LRRFIP1: variants seen among roughly 807,000 people sequenced by gnomAD.
LRRFIP1 encodes LRR binding FLII interacting protein 1, also known as leucine-rich repeat flightless-interacting protein 1.
Under a neutral mutation model 104.4 loss-of-function variants are expected in LRRFIP1, and 62 were observed. That is an observed-to-expected ratio of 0.59 (90% CI 0.48 to 0.73). The LOEUF is 0.73. Among genes scored for constraint, LRRFIP1 ranks in the 30% least tolerant of loss-of-function variants. The pLI is 0.00. For synonymous variants in LRRFIP1, 300 were observed against 299.0 expected, an observed-to-expected ratio of 1.00 and a Z score of -0.03; for missense variants, 796 against 824.5, an observed-to-expected ratio of 0.97 and a Z score of 0.42.
intron 1 of LRRFIP1, among the ~76,000 whole-genome samples, chr2:237,663,442 G>T (rs1464686767): frequency 6.6e-6 from 1 of 151,882 alleles, no homozygotes; most frequent in Non-Finnish European, 1.5e-5. Flanking sequence ...CCCCCATCCC[G>T]CCATGTGAGG....
intron 1 of LRRFIP1, among the ~76,000 whole-genome samples, chr2:237,671,715 C>A (rs1346725825): frequency 6.6e-6 from 1 of 151,890 alleles, no homozygotes; most frequent in Admixed American, 6.6e-5. Flanking sequence ...AGGGCCACCA[C>A]TCATAGACAG....
chr2:237,692,223 C>G (rs1046751902), intron 1 of LRRFIP1: 4 of 1,095,864 alleles, frequency 3.7e-6, no homozygotes, highest in East Asian at 1.1e-4. Context: ...ACCCCGAGCC[C>G]GACTCAGCCC....
chr2:237,646,858 G>T (rs896478159), intron 1 of LRRFIP1, among the ~76,000 whole-genome samples: 1 of 151,986 alleles, frequency 6.6e-6, no homozygotes, highest in Non-Finnish European at 1.5e-5. Flanking sequence ...CCAGTCTGTG[G>T]TGTTTTGTTA....
intron 23 of LRRFIP1, among the ~76,000 whole-genome samples, 178 bp downstream of exon 23, chr2:237,774,640 G>A (rs1352878510): frequency 6.6e-6 from 1 of 152,262 alleles, no homozygotes; most frequent in Non-Finnish European, 1.5e-5. Flanking sequence ...CAGCCAGTTA[G>A]GGCTTAGGGC....
chr2:237,652,828 A>G (rs1286631685), intron 1 of LRRFIP1, among the ~76,000 whole-genome samples: 2 of 152,206 alleles, frequency 1.3e-5, no homozygotes, highest in African/African-American at 2.4e-5. Flanking sequence ...AGCCTGGGCT[A>G]CAGAGTGAGA....
At chr2:237,707,506 C>T (rs950209771) in intron 1 of LRRFIP1, among the ~76,000 whole-genome samples, 8 of 150,170 alleles carry the variant, frequency 5.3e-5, no homozygotes, top group African/African-American at 1.5e-4. Context: ...TTATGTAAGA[C>T]GTCTGAAAAC....
At chr2:237,754,879 G>A (rs1046480828) in intron 15 of LRRFIP1, among the ~76,000 whole-genome samples, 4 of 152,184 alleles carry the variant, frequency 2.6e-5, no homozygotes, top group East Asian at 1.9e-4. Flanking sequence ...GAAAACTCCC[G>A]AGTCTCACTC....
In LRRFIP1 at chr2:237,691,687, T is replaced by TC. The variant is rs545770899; in HGVS notation, c.97-16849dup. 1.2e-4 allele frequency among the ~76,000 whole-genome samples: 18 copies of TC among 149,242 alleles called. No individual in the cohort carries two copies. The highest frequency in any genetic ancestry group is 4.3e-4 in the South Asian group (2 of 4,674). On this transcript the variant is annotated intron_variant, in intron 1 of 23. Transcript: ENST00000308482. This position sits in a 1 kb window ranked among gnomAD's most constrained non-coding sequence, Gnocchi z 5.4. ...ATACCCTCGCCCAGCCCCGGGCAGG[T>TC]CCCCCCCCGGAGGGGACCCCCTCTT...
intron 1 of LRRFIP1, among the ~76,000 whole-genome samples, chr2:237,668,362 G>T (rs775812548): frequency 7.9e-5 from 12 of 152,144 alleles, no homozygotes; most frequent in Admixed American, 6.5e-5. Context: ...CTGTCCCTGT[G>T]CCTGTCATCA....
At chr2:237,667,445 C>G (rs1575301270) in intron 1 of LRRFIP1, among the ~76,000 whole-genome samples, 1 of 152,174 alleles carries the variant, frequency 6.6e-6, no homozygotes, top group Non-Finnish European at 1.5e-5. Flanking sequence ...TTTTCTTTAT[C>G]CAGTCTATCA....
At position 237,763,990 on chromosome 2, in the gene LRRFIP1, C is replaced by T. The variant is rs201808692; in HGVS notation, c.1459+3785C>T. 268 of 1,614,088 alleles carry T rather than the reference C, an allele frequency of 1.7e-4. 3 individuals are homozygous for T. In the Middle Eastern group the frequency reaches 6.9e-3, roughly 42 times the overall value. On this transcript the variant is annotated intron_variant, in intron 19 of 23. Coordinates refer to ENST00000308482, the MANE Select transcript of LRRFIP1 (RefSeq NM_001137550.2). Reference sequence around the variant, plus strand: ...AGATGTCAGAACATCCAAGTCAGACCGTCAGGAAAGCTTTAGACAGCAATA... The same window carrying T: ...AGATGTCAGAACATCCAAGTCAGACTGTCAGGAAAGCTTTAGACAGCAATA...
At chr2:237,731,632 T>C (rs1559709014) in intron 8 of LRRFIP1, among the ~76,000 whole-genome samples, 2 of 152,226 alleles carry the variant, frequency 1.3e-5, no homozygotes. Flanking sequence ...CACTTAGTCA[T>C]TAAGAAAACT....
chr2:237,775,965 TTTTA>T (rs1204558129), intron 23 of LRRFIP1, among the ~76,000 whole-genome samples: 8 of 152,192 alleles, frequency 5.3e-5, no homozygotes, highest in African/African-American at 1.9e-4. Flanking sequence ...TTTGATTTTA[TTTTA>T]TTTATTTATT....
At chr2:237,684,232 G>C (rs1048579720) in intron 1 of LRRFIP1, 5 of 151,116 alleles carry the variant, frequency 3.3e-5, no homozygotes, top group Non-Finnish European at 7.4e-5. Context: ...AGCACTTTGG[G>C]AGGCCGAGGC....
intron 23 of LRRFIP1, among the ~76,000 whole-genome samples, chr2:237,778,389 C>T (rs2061270079): frequency 6.6e-6 from 1 of 152,174 alleles, no homozygotes; most frequent in African/African-American, 2.4e-5. Context: ...CCCACTCTGC[C>T]CTGCTGCCTG....
At chr2:237,663,923 T>C (rs73091785) in intron 1 of LRRFIP1, among the ~76,000 whole-genome samples, 40,772 of 151,928 alleles carry the variant, frequency 0.27, 7,051 homozygotes, top group African/African-American at 0.49. Flanking sequence ...GCATGAGGTC[T>C]CCTAAGTAGG....
At chr2:237,767,271 G>A (rs1172510414) in intron 19 of LRRFIP1, among the ~76,000 whole-genome samples, 2 of 152,136 alleles carry the variant, frequency 1.3e-5, no homozygotes, top group Admixed American at 1.3e-4. Context: ...AGATTATAGT[G>A]TCAAAAGATT....
intron 8 of LRRFIP1, among the ~76,000 whole-genome samples, chr2:237,728,418 A>T (rs2094856224): frequency 6.6e-6 from 1 of 152,054 alleles, no homozygotes; most frequent in Admixed American, 6.6e-5. Context: ...AGATGCTTGG[A>T]AGGCTCCCAG....
chr2:237,653,041 G>A (rs1263930812), intron 1 of LRRFIP1, among the ~76,000 whole-genome samples: 4 of 152,046 alleles, frequency 2.6e-5, no homozygotes, highest in Non-Finnish European at 2.9e-5. Context: ...CTCTCCTGCC[G>A]CCATGTGAAA....
Sources: allele counts gnomAD v4.1 joint callset (sites outside exome capture counted in the v4.1 genomes callset), GRCh38; gene constraint gnomAD v4.1.1; non-coding constraint Gnocchi (gnomAD v3.1); transcripts MANE v1.5; gene names NCBI Gene and HGNC (gene_info 2026-07-23, HGNC 2026-07-21).